Variants in RABGEF1 observed in about 807,000 individuals in gnomAD.
RABGEF1 encodes RAB guanine nucleotide exchange factor 1, also known as rab5 GDP/GTP exchange factor.
A neutral mutation model predicts 57.3 loss-of-function variants in RABGEF1; 26 were observed. The ratio of observed to expected loss-of-function variants is 0.45; its 90% CI spans 0.33 to 0.63. The LOEUF is 0.63. Among genes scored for constraint, RABGEF1 ranks in the 20% least tolerant of loss-of-function variants. RABGEF1 has a pLI of 0.02. For missense variants in RABGEF1, 464 were observed against 607.6 expected (o/e 0.76, Z 2.48); for synonymous variants, 185 against 210.7 (o/e 0.88, Z 1.06).
At chr7:66,726,559 T>C (rs942054972) in intron 2 of RABGEF1, among the ~76,000 whole-genome samples, 5 of 152,032 alleles carry the variant, frequency 3.3e-5, no homozygotes, top group African/African-American at 1.2e-4. Flanking sequence ...AGATGGGGTC[T>C]TGCTATGTTG....
intron 2 of RABGEF1, among the ~76,000 whole-genome samples, chr7:66,730,458 C>T (rs1164428995): frequency 1.3e-5 from 2 of 152,118 alleles, no homozygotes; most frequent in Non-Finnish European, 1.5e-5. Flanking sequence ...GTGTTGCAAT[C>T]ATAGCTCACT....
At chr7:66,704,664 A>G (rs1447968895) in intron 1 of RABGEF1, among the ~76,000 whole-genome samples, 1 of 152,120 alleles carries the variant, frequency 6.6e-6, no homozygotes, top group Non-Finnish European at 1.5e-5. Context: ...CAAACAAATT[A>G]GCCGGGCGTG....
At chr7:66,654,608 C>A in the RABGEF1 span, 1 of 152,556 alleles carries the variant, frequency 6.6e-6, no homozygotes, top group Admixed American at 6.5e-5. Flanking sequence ...GTGTGGATGT[C>A]GGCGAAGCCG....
rs917096877 is a variant in RABGEF1 at position 66,708,687 on chromosome 7, C to T, written c.-872-3480C>T. 3.0e-4 allele frequency among the ~76,000 whole-genome samples: 45 copies of T among 152,080 alleles called. 1 individual carries two copies. The highest frequency in any genetic ancestry group is 1.0e-3 in the African/African-American group (43 of 41,414). ...AGTATCCAGGCATGATGGCACACGC[C>T]TGTGTTCCCAGCTACTCAGGAGGCT... On this transcript the variant is annotated intron_variant and NMD_transcript_variant, in intron 1 of 9. Transcript: ENST00000607882.
chr7:66,775,015 A>G (rs1808185698), intron 2 of RABGEF1, among the ~76,000 whole-genome samples: 1 of 152,198 alleles, frequency 6.6e-6, no homozygotes, highest in African/African-American at 2.4e-5. Flanking sequence ...CTAGAGCAGT[A>G]GCTGAATGAG....
Position 66,775,408 on chromosome 7 carries a change from C to T in RABGEF1, c.346+15C>T. ...ATCAAAGAAGGGTAATGTTCTGATA[C>T]TCTTTTTTTTCTTCTCTGCCTGAGT... On this transcript the variant is annotated intron_variant, in intron 3 of 8. Transcript: ENST00000284957. 1.2e-6 allele frequency: 2 copies of T among 1,611,402 alleles called. No homozygotes were observed. Among genetic ancestry groups the T allele is most frequent in the South Asian group, 1.1e-5 (1 of 90,922 alleles).
intron 3 of RABGEF1, among the ~76,000 whole-genome samples, chr7:66,779,505 TAAAAAAAGAA>T (rs748012728): frequency 4.0e-5 from 6 of 150,806 alleles, no homozygotes; most frequent in Admixed American, 6.6e-5. Context: ...CCCCCATCTT[TAAAAAAAGAA>T]AAAAAAATTA....
intron 2 of RABGEF1, among the ~76,000 whole-genome samples, chr7:66,728,871 C>T (rs796924455): frequency 0.22 from 1,498 of 6,924 alleles, no homozygotes; most frequent in Middle Eastern, 0.33. Context: ...CCTCCACCTT[C>T]AACTCCACTC....
At position 66,809,497 on chromosome 7, in the gene RABGEF1, T is replaced by C. The variant is rs1333891502; in HGVS notation, c.*213T>C. 4.3e-6 allele frequency: 2 copies of C among 463,312 alleles called. No individual in the cohort carries two copies. Among genetic ancestry groups the C allele is most frequent in the African/African-American group, 4.0e-5 (2 of 50,102 alleles). 28.7% of individuals were successfully genotyped at this position (463,312 alleles called of 1,614,324 possible). On this transcript the variant is annotated 3_prime_UTR_variant, in exon 9 of 9. Transcript: ENST00000284957. ...TTTGAGTTACTGATACAGATTCATT[T>C]AAGGCTTGTGTGCAAATTTTGTCTC...
chr7:66,746,927 G>A (rs1800392233), intron 1 of RABGEF1, among the ~76,000 whole-genome samples: 1 of 144,892 alleles, frequency 6.9e-6, no homozygotes, highest in Admixed American at 6.8e-5. Context: ...CAAGTAGCTG[G>A]TGTTAACAGG....
At chr7:66,664,891 C>T in the RABGEF1 span, among the ~76,000 whole-genome samples, 6,134 of 152,332 alleles carry the variant, frequency 0.04, 176 homozygotes, top group East Asian at 0.087. Context: ...TTAGTGTCAA[C>T]TCTGCGATCC....
At chr7:66,701,849 A>T (rs945240929) in intron 1 of RABGEF1, among the ~76,000 whole-genome samples, 32 of 152,096 alleles carry the variant, frequency 2.1e-4, no homozygotes, top group Admixed American at 4.6e-4. Flanking sequence ...ATTTTCTTAT[A>T]AGTCTGTGGT....
upstream of RABGEF1, among the ~76,000 whole-genome samples, chr7:66,681,391 CG>C (rs1789719014): frequency 7.6e-6 from 1 of 131,580 alleles, no homozygotes; most frequent in Non-Finnish European, 1.6e-5. Context: ...GTCTCAGTTA[CG>C]CTTTTTTTTT....
intron 1 of RABGEF1, among the ~76,000 whole-genome samples, chr7:66,759,142 C>A (rs1194294616): frequency 6.6e-6 from 1 of 152,230 alleles, no homozygotes; most frequent in East Asian, 1.9e-4. Context: ...CCAAAGACTT[C>A]CCTTATGACT....
At chr7:66,745,526 G>A (rs1435835305) in intron 1 of RABGEF1, among the ~76,000 whole-genome samples, 1 of 152,076 alleles carries the variant, frequency 6.6e-6, no homozygotes, top group African/African-American at 2.4e-5. Context: ...CAACACTTTG[G>A]GAGGCTGAGG....
rs143174037 is a variant in RABGEF1 at position 66,723,472 on chromosome 7, A to G, written c.-815+11248A>G. 2.3e-3 allele frequency among the ~76,000 whole-genome samples: 352 copies of G among 152,250 alleles called. 2 individuals are homozygous for G. Among genetic ancestry groups the G allele is most frequent in the African/African-American group, 8.1e-3 (338 of 41,530 alleles). Reference sequence around the variant, plus strand: ...TTTACAACACCATACTTTCATTTCAATCTTCCATTTTTTATGCTATTGTAG... The same window carrying G: ...TTTACAACACCATACTTTCATTTCAGTCTTCCATTTTTTATGCTATTGTAG... On this transcript the variant is annotated intron_variant and NMD_transcript_variant, in intron 2 of 9. Coordinates refer to the RABGEF1 transcript ENST00000607882.
intron 3 of RABGEF1, among the ~76,000 whole-genome samples, chr7:66,778,125 A>G (rs1397233698): frequency 1.3e-5 from 2 of 152,198 alleles, no homozygotes; most frequent in East Asian, 3.9e-4. Flanking sequence ...GATTAGCCTA[A>G]GTGCCGTTTT....
At position 66,693,954 on chromosome 7, in the gene RABGEF1, C is replaced by T. The variant is rs193207167; in HGVS notation, c.-873+11696C>T. On this transcript the variant is annotated intron_variant and NMD_transcript_variant, in intron 1 of 9. Transcript: ENST00000607882. The stretch of plus-strand genomic sequence containing the variant: ...ACCAGAGTAGTTGGGATTACAAGAA[C>T]GTTCCACTACGTTTGGTTAATTTTT... 4.7e-4 allele frequency among the ~76,000 whole-genome samples: 72 copies of T among 152,116 alleles called. No individual in the cohort carries two copies. In the East Asian group the frequency reaches 9.5e-3, roughly 20 times the overall value.
chr7:66,752,103 G>A (rs2129063033), intron 1 of RABGEF1, among the ~76,000 whole-genome samples: 1 of 152,186 alleles, frequency 6.6e-6, no homozygotes. Flanking sequence ...GGAGGCTGAG[G>A]CTCAAGATTG....
Sources: allele counts gnomAD v4.1 joint callset (sites outside exome capture counted in the v4.1 genomes callset), GRCh38; gene constraint gnomAD v4.1.1; transcripts MANE v1.5; gene names NCBI Gene and HGNC (gene_info 2026-07-23, HGNC 2026-07-21).